LYZL4: variants seen among roughly 807,000 people sequenced by gnomAD.
LYZL4 encodes lysozyme like 4, also known as lysozyme-like protein 4.
In LYZL4, 13 loss-of-function variants were observed where a neutral mutation model predicts 17.6. The ratio of observed to expected loss-of-function variants is 0.74; its 90% confidence interval spans 0.48 to 1.18. The LOEUF (loss-of-function observed/expected upper bound fraction) is 1.18, where lower values mean the gene tolerates loss of function less well. LYZL4 is among the 50% of genes most tolerant of loss of function. LYZL4 has a pLI of 0.00. For missense variants in LYZL4, 174 were observed against 188.2 expected (o/e 0.92, Z 0.44); for synonymous variants, 64 against 67.7 (o/e 0.95, Z 0.27).
chr3:42,367,687 C>T, the LYZL4 span, among the ~76,000 whole-genome samples: 11 of 152,116 alleles, frequency 7.2e-5, no homozygotes, highest in East Asian at 3.9e-4. Flanking sequence ...CCTGCCTTCC[C>T]GAGGCAGGAT....
At chr3:42,384,929 T>C in the LYZL4 span, among the ~76,000 whole-genome samples, 1 of 152,246 alleles carries the variant, frequency 6.6e-6, no homozygotes. Context: ...ACCCAAAGCA[T>C]CAGCTGAAAG....
the LYZL4 span, among the ~76,000 whole-genome samples, chr3:42,381,260 AC>A: frequency 6.6e-6 from 1 of 152,004 alleles, no homozygotes; most frequent in Non-Finnish European, 1.5e-5. Flanking sequence ...CTATTCCTTG[AC>A]CCCCTTCATT....
the LYZL4 span, among the ~76,000 whole-genome samples, chr3:42,373,402 T>C: frequency 2.0e-5 from 3 of 152,214 alleles, no homozygotes; most frequent in East Asian, 3.9e-4. Flanking sequence ...TTTCTCTCTA[T>C]TGGGATGACC....
chr3:42,401,516 A>C (rs1157917158), intron 4 of LYZL4, among the ~76,000 whole-genome samples: 1 of 152,186 alleles, frequency 6.6e-6, no homozygotes, highest in Non-Finnish European at 1.5e-5. Flanking sequence ...CGCTCCCAGC[A>C]CATCATAATA....
Position 42,407,127 on chromosome 3 carries a change from T to C in LYZL4, c.125A>G (p.Tyr42Cys), listed in dbSNP as rs767779528. The change falls in exon 2 of 5, where the codon TAT becomes TGT. Residue 42 changes from tyrosine (Y) to cysteine (C), a missense_variant. Coordinates refer to ENST00000287748, the MANE Select transcript of LYZL4 (RefSeq NM_144634.4). ...GGCCTACTCACAGTTCTCAAGGCTATAGCCCTCAAAATAATCCAGGCCTCC... is the reference window on the plus strand; with the variant it reads ...GGCCTACTCACAGTTCTCAAGGCTACAGCCCTCAAAATAATCCAGGCCTCC... The part of the protein sequence containing the change: ...HDGGLDYFEG[Y>C]SLENWVCLAY... The C allele has an allele frequency of 8.7e-6, 14 of 1,614,068 alleles. No homozygotes were observed. The Middle Eastern group carries it at 9.9e-4, about 114-fold the overall frequency.
intron 3 of LYZL4, 87 bp from the exon 4 acceptor site, chr3:42,404,211 T>C (rs542132720): frequency 8.0e-6 from 6 of 746,002 alleles, no homozygotes; most frequent in African/African-American, 1.8e-5. Context: ...GGTACTCACA[T>C]CAGAGAGTCT....
Position 42,406,963 on chromosome 3 carries a change from G to C in LYZL4, c.175C>G (p.Pro59Ala). 1 of 1,614,222 alleles carries C rather than the reference G, an allele frequency of 6.2e-7. No individual in the cohort carries two copies. The highest frequency in any genetic ancestry group is 8.5e-7 in the Non-Finnish European group (1 of 1,180,040). ...CLAYFESKFNPMAIYENTREG... is the reference protein window; with the variant it reads ...CLAYFESKFNAMAIYENTREG... ...CGTGTGTTCTCGTAGATGGCCATGG[G>C]GTTGAACTTGCTCTCGAAGTAGGCC... is the stretch of plus-strand genomic sequence containing the variant. Residue 59 changes from proline to alanine, a missense_variant, in exon 3 of 5, where the codon CCC (proline) becomes GCC (alanine). Physicochemically the swap from Pro to Ala is conservative, Grantham distance 27 (BLOSUM62 -1). Transcript: ENST00000287748.
At chr3:42,378,259 A>G in the LYZL4 span, among the ~76,000 whole-genome samples, 2 of 152,164 alleles carry the variant, frequency 1.3e-5, no homozygotes, top group Non-Finnish European at 2.9e-5. Flanking sequence ...GTGTTCATCA[A>G]GGCACTTATT....
chr3:42,399,639 CTCTGATT>C, intron 4 of LYZL4, among the ~76,000 whole-genome samples: 1 of 152,214 alleles, frequency 6.6e-6, no homozygotes, highest in South Asian at 2.1e-4. Context: ...GTACATTTTT[CTCTGATT>C]TCTAAGAATA....
intron 4 of LYZL4, among the ~76,000 whole-genome samples, chr3:42,397,701 A>G (rs1293795569): frequency 1.3e-5 from 2 of 152,104 alleles, no homozygotes; most frequent in Non-Finnish European, 1.5e-5. Flanking sequence ...ACTTTCCCAG[A>G]GTCACATGAT....
the LYZL4 span, among the ~76,000 whole-genome samples, chr3:42,379,865 C>A: frequency 6.6e-6 from 1 of 152,084 alleles, no homozygotes; most frequent in South Asian, 2.1e-4. Flanking sequence ...ATTAGATTAG[C>A]TCATGGGGGT....
chr3:42,372,733 T>C, the LYZL4 span, among the ~76,000 whole-genome samples: 1 of 152,226 alleles, frequency 6.6e-6, no homozygotes, highest in African/African-American at 2.4e-5. Context: ...AACAGCTTAA[T>C]GGGCTTAAGA....
At chr3:42,383,148 G>A in the LYZL4 span, among the ~76,000 whole-genome samples, 4 of 152,138 alleles carry the variant, frequency 2.6e-5, no homozygotes, top group East Asian at 1.9e-4. Context: ...ACAGTTTAGG[G>A]CAGGAGTATT....
chr3:42,393,263 C>A (rs1698511256), downstream of LYZL4, among the ~76,000 whole-genome samples: 1 of 152,060 alleles, frequency 6.6e-6, no homozygotes, highest in Non-Finnish European at 1.5e-5. Flanking sequence ...GCATGAGATG[C>A]AATCTTCTTA....
At chr3:42,401,736 T>C (rs765140613) in intron 4 of LYZL4, among the ~76,000 whole-genome samples, 1 of 151,976 alleles carries the variant, frequency 6.6e-6, no homozygotes, top group Non-Finnish European at 1.5e-5. Flanking sequence ...TCAACACCCA[T>C]TCATGATTTA....
chr3:42,383,429 T>A, the LYZL4 span, among the ~76,000 whole-genome samples: 5 of 140,574 alleles, frequency 3.6e-5, no homozygotes, highest in African/African-American at 1.4e-4. Flanking sequence ...CAGTAACAAC[T>A]GATTTCCACC....
downstream of LYZL4, among the ~76,000 whole-genome samples, chr3:42,395,245 T>C (rs1297597945): frequency 6.6e-6 from 1 of 152,204 alleles, no homozygotes; most frequent in Non-Finnish European, 1.5e-5. Flanking sequence ...CTGAATTGAT[T>C]TGGATCTTGC....
the LYZL4 span, among the ~76,000 whole-genome samples, chr3:42,376,591 G>T: frequency 6.6e-6 from 1 of 152,190 alleles, no homozygotes; most frequent in African/African-American, 2.4e-5. Flanking sequence ...GAATTTCTGA[G>T]CTTACATGGC....
the LYZL4 span, among the ~76,000 whole-genome samples, chr3:42,368,021 A>G: frequency 1.3e-5 from 2 of 152,200 alleles, no homozygotes; most frequent in African/African-American, 4.8e-5. Context: ...TGCATTTGCT[A>G]GATGGGGAAA....
Sources: allele counts gnomAD v4.1 joint callset (sites outside exome capture counted in the v4.1 genomes callset), GRCh38; gene constraint gnomAD v4.1.1; transcripts MANE v1.5; gene names NCBI Gene and HGNC (gene_info 2026-07-23, HGNC 2026-07-21).